Variants in PHKA1 observed in about 807,000 individuals in gnomAD.
PHKA1 encodes the protein phosphorylase b kinase regulatory subunit alpha, skeletal muscle isoform.
Under a neutral mutation model 110.2 loss-of-function variants are expected in PHKA1, and 60 were observed. That is an observed-to-expected ratio of 0.54 (90% CI 0.44 to 0.68). The LOEUF is 0.68. PHKA1 is among the 30% of genes least tolerant of loss of function. The pLI is 0.00. For synonymous variants in PHKA1, 316 were observed against 333.6 expected (o/e 0.95, Z 0.58); for missense variants, 801 against 942.5 (o/e 0.85, Z 1.97).
intron 13 of PHKA1, among the ~76,000 whole-genome samples, chrX:72,645,033 C>G (rs59722903): frequency 0.075 from 8,356 of 111,090 alleles, 864 homozygotes; most frequent in East Asian, 0.67. Flanking sequence ...CAGCAGGTAG[C>G]GGGTGCTGGG....
chrX:72,700,169 G>A (rs2054187663), intron 3 of PHKA1, among the ~76,000 whole-genome samples: 1 of 111,957 alleles, frequency 8.9e-6, no homozygotes, highest in Admixed American at 9.4e-5. Flanking sequence ...GTTTTTATTA[G>A]GGCTTCTTGT....
At chrX:72,668,306 T>C (rs2053638251) in intron 6 of PHKA1, among the ~76,000 whole-genome samples, 1 of 112,041 alleles carries the variant, frequency 8.9e-6, no homozygotes, top group African/African-American at 3.2e-5. Flanking sequence ...TTGAGTTATT[T>C]TGTAAGCATC....
At chrX:72,687,890 G>T (rs1035429672) in intron 4 of PHKA1, among the ~76,000 whole-genome samples, 4 of 105,989 alleles carry the variant, frequency 3.8e-5, no homozygotes, top group Non-Finnish European at 5.8e-5. Flanking sequence ...GCTGTGGCAT[G>T]ATCCTGGCTT....
At chrX:72,642,697 C>A (rs1556296019) in intron 14 of PHKA1, among the ~76,000 whole-genome samples, 1 of 110,868 alleles carries the variant, frequency 9.0e-6, no homozygotes, top group African/African-American at 3.3e-5. Flanking sequence ...TTTCAGGAGC[C>A]TTGACTTGGT....
At chrX:72,590,498 T>A (rs1377298991) in intron 29 of PHKA1, among the ~76,000 whole-genome samples, 3 of 112,034 alleles carry the variant, frequency 2.7e-5, no homozygotes, top group Non-Finnish European at 3.8e-5. Flanking sequence ...GCAATAGGCA[T>A]GTGCAAGGAC....
intron 30 of PHKA1, among the ~76,000 whole-genome samples, chrX:72,583,848 G>A (rs911341635): frequency 4.5e-5 from 5 of 111,288 alleles, no homozygotes; most frequent in South Asian, 3.8e-4. Flanking sequence ...ATTGGAACCC[G>A]GGTTACCCCA....
Position 72,667,366 on chromosome X carries a change from A to G in PHKA1, c.717+9T>C, listed in dbSNP as rs371403408. 3.4e-6 allele frequency: 4 copies of G among 1,176,834 alleles called. No homozygotes were observed. The African/African-American group carries it at 5.3e-5, about 16-fold the overall frequency. ...AAATTTGCTATTTCCATTTTCCATA[A>G]TATTTTACCTGGCAGTGCTGTACTT... is the stretch of plus-strand genomic sequence containing the variant. On this transcript the variant is annotated intron_variant, in intron 7 of 31. Coordinates refer to ENST00000373542, the MANE Select transcript of PHKA1 (RefSeq NM_002637.4).
At chrX:72,631,962 A>AT (rs2053172324) in intron 16 of PHKA1, among the ~76,000 whole-genome samples, 1 of 112,209 alleles carries the variant, frequency 8.9e-6, no homozygotes, top group Admixed American at 9.4e-5. Context: ...TCTAAGAAGC[A>AT]TATAATTTCA....
At chrX:72,677,233 CTG>C (rs1556312219) in intron 5 of PHKA1, among the ~76,000 whole-genome samples, 1 of 112,188 alleles carries the variant, frequency 8.9e-6, no homozygotes, top group Admixed American at 9.4e-5. Context: ...AGACATTATG[CTG>C]TGTCCTTCTC....
chrX:72,608,069 T>C (rs1381345902), intron 23 of PHKA1, among the ~76,000 whole-genome samples: 1 of 111,513 alleles, frequency 9.0e-6, no homozygotes, highest in African/African-American at 3.3e-5. Context: ...GGCATGTGTT[T>C]GGTCACACTT....
At chrX:72,605,504 TA>T in intron 24 of PHKA1, 36 bp downstream of exon 24, 1 of 1,171,302 alleles carries the variant, frequency 8.5e-7, no homozygotes, top group East Asian at 3.0e-5. Context: ...AACTTTAAAA[TA>T]TCAGTCACCA....
rs1375858094 is a variant in PHKA1, at chrX:72,670,548, C to G, written c.619-3075G>C. On this transcript the variant is annotated intron_variant, in intron 6 of 31. Coordinates refer to ENST00000373542, the MANE Select transcript of PHKA1 (RefSeq NM_002637.4). The stretch of plus-strand genomic sequence containing the variant: ...CCATTCCTTCTGAAACTATTCCAAC[C>G]AATAGAAAAAGAGGGAATCCTCCCT... Among the ~76,000 whole-genome samples the G allele has an allele frequency of 5.4e-5, 6 of 111,470 alleles. No individual in the cohort carries two copies. In the Admixed American group the frequency reaches 5.7e-4, roughly 11 times the overall value.
chrX:72,618,729 A>G lies in PHKA1; in HGVS notation c.2350T>C (p.Tyr784His). The change falls in exon 21 of 32, where the codon TAT (tyrosine) becomes CAT (histidine). Residue 784 changes from tyrosine (Y) to histidine (H), a missense_variant. Tyr to His is a moderately conservative substitution (Grantham distance 83). Transcript: ENST00000373542. ...SSLQEQADILYMLYTMKGPDW... is the reference protein window; with the variant it reads ...SSLQEQADILHMLYTMKGPDW... ...ACTTACTTCATAGTATACAGCATATAGAGGATATCAGCTTGTTCCTGTAAG... is the reference window on the plus strand; with the variant it reads ...ACTTACTTCATAGTATACAGCATATGGAGGATATCAGCTTGTTCCTGTAAG... 8.4e-7 allele frequency: 1 copy of G among 1,196,394 alleles called. No homozygotes were observed. The highest frequency in any genetic ancestry group is 1.1e-6 in the Non-Finnish European group (1 of 881,489).
At chrX:72,590,290 T>C (rs1482909660) in intron 29 of PHKA1, among the ~76,000 whole-genome samples, 2 of 111,582 alleles carry the variant, frequency 1.8e-5, no homozygotes, top group African/African-American at 6.5e-5. Context: ...AACCATCTCA[T>C]CTTTGACAAA....
chrX:72,594,742 G>A (rs917271898), intron 28 of PHKA1, among the ~76,000 whole-genome samples: 2 of 112,445 alleles, frequency 1.8e-5, no homozygotes, highest in African/African-American at 6.5e-5. Flanking sequence ...CATGAGCCCC[G>A]GAGTTTGAGA....
At chrX:72,656,823 AT>A (rs1199373315) in intron 9 of PHKA1, among the ~76,000 whole-genome samples, 2 of 111,976 alleles carry the variant, frequency 1.8e-5, no homozygotes, top group East Asian at 5.6e-4. Flanking sequence ...GAGAATAAGG[AT>A]TCAGAAAAGG....
intron 2 of PHKA1, 39 bp from the exon 3 acceptor site, chrX:72,705,284 C>T: frequency 9.4e-7 from 1 of 1,059,031 alleles, no homozygotes; most frequent in Non-Finnish European, 1.3e-6. Context: ...TATAAACATC[C>T]CTAGATACAG....
chrX:72,688,164 T>C (rs2053991174), intron 4 of PHKA1, among the ~76,000 whole-genome samples: 2 of 111,670 alleles, frequency 1.8e-5, no homozygotes, highest in African/African-American at 6.5e-5. Flanking sequence ...ATATTTTAAA[T>C]CATGGAACTG....
intron 8 of PHKA1, 81 bp downstream of exon 8, chrX:72,666,070 G>A: frequency 4.3e-6 from 4 of 931,418 alleles, no homozygotes; most frequent in Non-Finnish European, 6.2e-6. Context: ...CACAGACACA[G>A]GTCATACTTA....
Sources: allele counts gnomAD v4.1 joint callset (sites outside exome capture counted in the v4.1 genomes callset), GRCh38; gene constraint gnomAD v4.1.1; transcripts MANE v1.5; gene names NCBI Gene and HGNC (gene_info 2026-07-23, HGNC 2026-07-21).